Variants in ECT2 observed in about 807,000 individuals in gnomAD.
ECT2 encodes protein ECT2.
In ECT2, 61 loss-of-function variants were observed where a neutral mutation model predicts 116.9. The ratio of observed to expected loss-of-function variants is 0.52; its 90% CI spans 0.42 to 0.65. The LOEUF is 0.65. Ranked by LOEUF, ECT2 falls within the 30% of genes least tolerant of loss-of-function variation. The pLI is 0.00. For synonymous variants in ECT2, 358 were observed against 346.4 expected (o/e 1.03, Z -0.37); for missense variants, 937 against 1,078.7 (o/e 0.87, Z 1.84).
At chr3:172,759,415 T>A (rs6445086) in intron 6 of ECT2, among the ~76,000 whole-genome samples, 1 of 151,982 alleles carries the variant, frequency 6.6e-6, no homozygotes, top group Admixed American at 6.5e-5. Context: ...TGTTGCCCTA[T>A]AGAATTCATA....
chr3:172,752,828 A>G (rs1309142027), intron 1 of ECT2, among the ~76,000 whole-genome samples: 1 of 152,146 alleles, frequency 6.6e-6, no homozygotes, highest in Non-Finnish European at 1.5e-5. Context: ...CAATGTGGAA[A>G]CTGAGGTTTA....
intron 24 of ECT2, among the ~76,000 whole-genome samples, chr3:172,819,400 A>G (rs1342833383): frequency 6.6e-6 from 1 of 152,108 alleles, no homozygotes; most frequent in East Asian, 1.9e-4. Context: ...GTTTTATTTT[A>G]AAATTTTTAA....
intron 18 of ECT2, among the ~76,000 whole-genome samples, chr3:172,795,807 C>T (rs1330566246): frequency 6.6e-6 from 1 of 151,824 alleles, no homozygotes; most frequent in African/African-American, 2.4e-5. Flanking sequence ...GAGTCATATC[C>T]AAATAAGAGA....
chr3:172,811,983 CTTTT>C (rs200790013), intron 22 of ECT2, among the ~76,000 whole-genome samples: 2 of 134,590 alleles, frequency 1.5e-5, no homozygotes, highest in Non-Finnish European at 1.6e-5. Flanking sequence ...AAATGTATTT[CTTTT>C]TTTTTTTTTT....
chr3:172,751,196 C>G (rs905517029), intron 1 of ECT2: 3 of 152,298 alleles, frequency 2.0e-5, no homozygotes, highest in Non-Finnish European at 2.9e-5. Context: ...CACTTGCAGC[C>G]TTTGGGGGCT....
chr3:172,786,575 G>A lies in ECT2; in HGVS notation c.1907+1G>A, dbSNP rs768117928. ...TTGGATCACTGAAGGAAGTAATGACGTAAGTGCATTATTTTCAATTTTTGA... is the reference window on the plus strand; with the variant it reads ...TTGGATCACTGAAGGAAGTAATGACATAAGTGCATTATTTTCAATTTTTGA... On this transcript the variant is annotated splice_donor_variant, in intron 18 of 24. Coordinates refer to ENST00000392692, the MANE Select transcript of ECT2 (RefSeq NM_001258315.2). LOFTEE classifies it high-confidence loss of function. 8 of 1,592,646 alleles carry A rather than the reference G, an allele frequency of 5.0e-6. No individual in the cohort carries two copies. The highest frequency in any genetic ancestry group is 6.0e-6 in the Non-Finnish European group (7 of 1,164,510).
chr3:172,774,046 G>A, intron 14 of ECT2, 24 bp downstream of exon 14: 1 of 1,601,400 alleles, frequency 6.2e-7, no homozygotes. Flanking sequence ...TGTTAGATTG[G>A]TAGTAATTTT....
In ECT2 at chr3:172,807,601, C is replaced by G. The variant is rs529695561; in HGVS notation, c.2246-169C>G. The G allele has an allele frequency of 2.4e-5, 16 of 679,448 alleles. No homozygotes were observed. In the South Asian group the frequency reaches 3.0e-4, roughly 13 times the overall value. 42.1% of individuals were successfully genotyped at this position (679,448 alleles called of 1,614,324 possible). A position where few individuals can be genotyped will look rare whatever the true frequency, so the allele number is the denominator to read the frequency against. On this transcript the variant is annotated intron_variant, in intron 21 of 24. Coordinates refer to ENST00000392692, the MANE Select transcript of ECT2 (RefSeq NM_001258315.2). ...ATACTATATTGTGTTTTCAGTACTT[C>G]AACTTAATATGGTGATGTTCTTTGT...
At chr3:172,791,742 A>T (rs929971368) in intron 18 of ECT2, among the ~76,000 whole-genome samples, 5 of 152,194 alleles carry the variant, frequency 3.3e-5, no homozygotes, top group African/African-American at 9.7e-5. Context: ...GACATTCTTC[A>T]TATCAGTATT....
intron 23 of ECT2, among the ~76,000 whole-genome samples, chr3:172,816,448 G>A (rs536361307): frequency 6.6e-6 from 1 of 152,092 alleles, no homozygotes; most frequent in South Asian, 2.1e-4. Flanking sequence ...GAAGAACTTA[G>A]GTCTCTTCTC....
chr3:172,764,294 T>C lies in ECT2; in HGVS notation c.1085T>C (p.Leu362Pro). ...YLYEKANTPE[L>P]KKSVSMLSLN... is the part of the protein sequence containing the mutation. ...TGATTACAGGCAAATACTCCTGAGC[T>C]CAAGAAATCAGTGTCAATGCTTTCT... Residue 362 changes from leucine to proline, a missense_variant, in exon 12 of 25, where the codon CTC becomes CCC. Coordinates refer to ENST00000392692, the MANE Select transcript of ECT2 (RefSeq NM_001258315.2). The C allele has an allele frequency of 6.2e-7, 1 of 1,614,100 alleles. No individual in the cohort carries two copies. Among genetic ancestry groups the C allele is most frequent in the Non-Finnish European group, 8.5e-7 (1 of 1,179,948 alleles).
chr3:172,825,507 A>G (rs1730820126), downstream of ECT2, among the ~76,000 whole-genome samples: 1 of 152,190 alleles, frequency 6.6e-6, no homozygotes, highest in African/African-American at 2.4e-5. Context: ...GTGCTATTCC[A>G]TTGAACATGT....
intron 1 of ECT2, among the ~76,000 whole-genome samples, chr3:172,751,701 A>T (rs543426671): frequency 2.4e-4 from 37 of 151,894 alleles, no homozygotes; most frequent in Non-Finnish European, 4.7e-4. Context: ...TACATGGCAA[A>T]TTTTATCTCT....
intron 22 of ECT2, among the ~76,000 whole-genome samples, chr3:172,812,984 A>G (rs1488552448): frequency 1.3e-5 from 2 of 152,092 alleles, no homozygotes; most frequent in Non-Finnish European, 2.9e-5. Context: ...AAAACCTTGC[A>G]GATATGTGTG....
Position 172,755,361 on chromosome 3 carries a change from T to C in ECT2, c.197T>C (p.Ile66Thr), listed in dbSNP as rs1440831355. ...GAAGCTGGAAAACAAGAAGAACTTA[T>C]AAAAGCCTTAAAGGTACGGAGTTTT... is the stretch of plus-strand genomic sequence containing the variant. ...VQEAGKQEEL[I>T]KALKTIKIME... The change falls in exon 3 of 25, where the codon ATA becomes ACA. Residue 66 changes from isoleucine to threonine, a missense_variant. Coordinates refer to ENST00000392692, the MANE Select transcript of ECT2 (RefSeq NM_001258315.2). 4 of 1,604,922 alleles carry C rather than the reference T, an allele frequency of 2.5e-6. No individual in the cohort carries two copies. Among genetic ancestry groups the C allele is most frequent in the Non-Finnish European group, 3.4e-6 (4 of 1,177,744 alleles).
chr3:172,757,415 C>CTTTTTTTT (rs34169147), intron 5 of ECT2, among the ~76,000 whole-genome samples: 1 of 120,438 alleles, frequency 8.3e-6, no homozygotes. Flanking sequence ...ATACATAGTC[C>CTTTTTTTT]TTTTTTTTTT....
intron 9 of ECT2, 52 bp from the exon 10 acceptor site, chr3:172,762,639 G>A (rs989378584): frequency 3.6e-5 from 57 of 1,580,566 alleles, no homozygotes; most frequent in Non-Finnish European, 4.4e-5. Flanking sequence ...AAAAATTTGA[G>A]TTTGGAAATA....
intron 4 of ECT2, 50 bp downstream of exon 4, chr3:172,755,625 GTAT>G (rs1344247430): frequency 9.2e-6 from 9 of 978,756 alleles, no homozygotes; most frequent in East Asian, 2.7e-5. Flanking sequence ...TCCCTTGATT[GTAT>G]TATTCTACTT....
At chr3:172,826,220 G>A (rs1466338217), downstream of ECT2, among the ~76,000 whole-genome samples, 1 of 152,180 alleles carries the variant, frequency 6.6e-6, no homozygotes, top group East Asian at 1.9e-4. Context: ...TAGCTAGACA[G>A]AAGTCAATGC....
Sources: gnomAD v4.1 joint callset for allele counts (sites outside exome capture counted in the v4.1 genomes callset) on GRCh38, gnomAD v4.1.1 for gene constraint, MANE v1.5 for transcripts, NCBI Gene and HGNC (gene_info 2026-07-23, HGNC 2026-07-21) for gene names.